The following NDUFA9 variants were observed in gnomAD, a reference collection of about 807,000 sequenced individuals.
NDUFA9 encodes the protein NADH dehydrogenase [ubiquinone] 1 alpha subcomplex subunit 9, mitochondrial.
Under a neutral mutation model 45.9 loss-of-function variants are expected in NDUFA9, and 23 were observed. The observed-to-expected ratio is 0.50, with a 90% CI of 0.36 to 0.71. NDUFA9 has a LOEUF of 0.71. NDUFA9 is among the 30% of genes least tolerant of loss of function. The pLI is 0.00. For synonymous variants in NDUFA9, 176 were observed against 170.5 expected (o/e 1.03, Z -0.25); for missense variants, 466 against 488.2 (o/e 0.95, Z 0.43).
intron 8 of NDUFA9, among the ~76,000 whole-genome samples, chr12:4,674,523 A>G (rs1001865987): frequency 6.6e-6 from 1 of 152,218 alleles, no homozygotes; most frequent in African/African-American, 2.4e-5. Flanking sequence ...AGGAGTTGCA[A>G]TCCTACTCTG....
intron 10 of NDUFA9, among the ~76,000 whole-genome samples, chr12:4,686,067 C>G (rs979726456): frequency 1.8e-4 from 27 of 152,232 alleles, no homozygotes; most frequent in African/African-American, 6.5e-4. Context: ...TATGAAAGAT[C>G]AGGCAGGATC....
Position 4,669,796 on chromosome 12 carries a change from G to C in NDUFA9, c.779G>C (p.Gly260Ala), listed in dbSNP as rs1237483963. Residue 260 changes from glycine (G) to alanine (A), a missense_variant, in exon 8 of 11, where the codon GGG (glycine) becomes GCG (alanine). Coordinates refer to ENST00000266544, the MANE Select transcript of NDUFA9 (RefSeq NM_005002.5). ...VNAVKDPDANGKSFAFVGPSR... is the reference protein window; with the variant it reads ...VNAVKDPDANAKSFAFVGPSR... ...GCAGTTAAGGATCCTGATGCCAATG[G>C]GAAATCCTTTGCTTTCGTTGGGTAA... 1 of 1,612,508 alleles carries C rather than the reference G, an allele frequency of 6.2e-7. No individual in the cohort carries two copies. The highest frequency in any genetic ancestry group is 2.2e-5 in the East Asian group (1 of 44,834).
chr12:4,676,327 A>G (rs139798190), intron 8 of NDUFA9, among the ~76,000 whole-genome samples: 17,644 of 152,252 alleles, frequency 0.12, 1,065 homozygotes, highest in African/African-American at 0.13. Context: ...AGGGTATTCA[A>G]TTAGGAAAAG....
chr12:4,653,594 TTAAACTTTC>T (rs1179132889), intron 1 of NDUFA9: 4 of 449,686 alleles, frequency 8.9e-6, no homozygotes, highest in Non-Finnish European at 1.3e-5. Context: ...TCTCTTGCTG[TTAAACTTTC>T]TAAAAGTCAG....
chr12:4,649,193 CG>C lies in NDUFA9; in HGVS notation c.49+20del. The stretch of plus-strand genomic sequence containing the variant: ...AATGTCACGTAAGTGTTACCGGGAA[CG>C]GCGGCCCCTGGTCGGGATTCCGAGA... On this transcript the variant is annotated intron_variant, in intron 1 of 10. Coordinates refer to ENST00000266544, the MANE Select transcript of NDUFA9 (RefSeq NM_005002.5). 6.3e-7 allele frequency: 1 copy of C among 1,598,674 alleles called. No homozygotes were observed. The highest frequency in any genetic ancestry group is 8.5e-7 in the Non-Finnish European group (1 of 1,172,612).
chr12:4,680,086 G>GT (rs1199773883), intron 8 of NDUFA9, among the ~76,000 whole-genome samples: 1 of 152,156 alleles, frequency 6.6e-6, no homozygotes, highest in African/African-American at 2.4e-5. Flanking sequence ...GGAATGTGAG[G>GT]TTAGCTAAAA....
Position 4,677,319 on chromosome 12 carries a change from A to G in NDUFA9, c.801-4886A>G, listed in dbSNP as rs559920060. Among the ~76,000 whole-genome samples the G allele has an allele frequency of 1.5e-4, 23 of 152,388 alleles. No individual in the cohort carries two copies. The East Asian group carries it at 3.3e-3, about 22-fold the overall frequency. On this transcript the variant is annotated intron_variant, in intron 8 of 10. Coordinates refer to ENST00000266544, the MANE Select transcript of NDUFA9 (RefSeq NM_005002.5). The stretch of plus-strand genomic sequence containing the variant: ...GACAAATGGGATCTAATTAATCTAA[A>G]GAGCTTCTGCACAGCAAAAGAAACT...
intron 2 of NDUFA9, 78 bp downstream of exon 2, chr12:4,654,540 C>G: frequency 6.7e-7 from 1 of 1,491,756 alleles, no homozygotes; most frequent in Non-Finnish European, 9.2e-7. Flanking sequence ...AGCTATGTTT[C>G]TCTTCATTTT....
chr12:4,689,967 G>A lies in NDUFA9; in HGVS notation c.*2859G>A. The A allele has an allele frequency of 6.5e-6, 1 of 153,284 alleles. No homozygotes were observed. Among genetic ancestry groups the A allele is most frequent in the South Asian group, 2.0e-4 (1 of 4,894 alleles). The allele number at this position is 153,284 out of a possible 1,614,324, so 9.5% of individuals were successfully genotyped here. ...CACTGAAGCCGTAGCATTGACTAAG[G>A]AAACAATTTTACCATCCTAAGCTAG... On this transcript the variant is annotated 3_prime_UTR_variant, in exon 11 of 11. Transcript: ENST00000266544.
At chr12:4,675,567 G>A (rs1020985316) in intron 8 of NDUFA9, among the ~76,000 whole-genome samples, 3 of 152,094 alleles carry the variant, frequency 2.0e-5, no homozygotes, top group African/African-American at 4.8e-5. Flanking sequence ...TAGAAGAAAT[G>A]GATAGGTTCC....
chr12:4,686,813 C>G lies in NDUFA9; in HGVS notation c.964-125C>G, dbSNP rs923997383. 3.1e-5 allele frequency: 28 copies of G among 904,970 alleles called. No homozygotes were observed. In the African/African-American group the frequency reaches 4.4e-4, roughly 14 times the overall value. 56.1% of individuals were successfully genotyped at this position (904,970 alleles called of 1,614,324 possible). ...CATGAATCGAAAATTGCCACATATT[C>G]TTTGAAAGCAATTAAGTCTCAATAA... is the stretch of plus-strand genomic sequence containing the variant. On this transcript the variant is annotated intron_variant, in intron 10 of 10. Transcript: ENST00000266544.
Position 4,662,631 on chromosome 12 carries a change from T to C in NDUFA9, c.651T>C (p.Phe217=). The stretch of plus-strand genomic sequence containing the variant: ...GAGAGGATAGATTCCTTAATTCTTT[T>C]GCAAGTACGTATTCTTTCTTAATGG... ...FGREDRFLNS[F]ASMHRFGPIP... The change falls in exon 6 of 11, where the codon TTT becomes TTC. Residue 217 remains phenylalanine, a synonymous_variant. Transcript: ENST00000266544. 1 of 1,611,480 alleles carries C rather than the reference T, an allele frequency of 6.2e-7. No individual in the cohort carries two copies. The highest frequency in any genetic ancestry group is 1.3e-5 in the African/African-American group (1 of 75,006).
intron 8 of NDUFA9, among the ~76,000 whole-genome samples, chr12:4,671,738 T>C (rs1018762504): frequency 6.6e-6 from 1 of 152,144 alleles, no homozygotes; most frequent in African/African-American, 2.4e-5. Flanking sequence ...TAACCAGAAT[T>C]GATAGTTCAG....
intron 5 of NDUFA9, among the ~76,000 whole-genome samples, chr12:4,660,696 A>C (rs531619994): frequency 1.3e-5 from 2 of 152,176 alleles, no homozygotes; most frequent in Non-Finnish European, 2.9e-5. Flanking sequence ...GTACAGTGCT[A>C]GGGAAGCCAT....
At chr12:4,677,062 G>A (rs112466524) in intron 8 of NDUFA9, among the ~76,000 whole-genome samples, 29,503 of 151,978 alleles carry the variant, frequency 0.19, 3,320 homozygotes, top group South Asian at 0.46. Context: ...ATGATTCTCC[G>A]TTTAATAAAT....
chr12:4,686,241 G>A (rs1336759273), intron 10 of NDUFA9, among the ~76,000 whole-genome samples: 1 of 152,194 alleles, frequency 6.6e-6, no homozygotes, highest in Non-Finnish European at 1.5e-5. Flanking sequence ...GGTAGGATGA[G>A]GGATTGCTGC....
At position 4,668,454 on chromosome 12, in the gene NDUFA9, T is replaced by G; in HGVS notation, c.656-3T>G. ...GTATAGTTCTCATTCTTTCTTCCGC[T>G]AGGTATGCATCGGTTTGGTCCTATA... On this transcript the variant is annotated splice_polypyrimidine_tract_variant and splice_region_variant and intron_variant, in intron 6 of 10. Coordinates refer to ENST00000266544, the MANE Select transcript of NDUFA9 (RefSeq NM_005002.5). 1 of 1,612,522 alleles carries G rather than the reference T, an allele frequency of 6.2e-7. No individual in the cohort carries two copies. Among genetic ancestry groups the G allele is most frequent in the South Asian group, 1.1e-5 (1 of 91,048 alleles).
At chr12:4,685,488 C>T (rs1326345506) in intron 10 of NDUFA9, among the ~76,000 whole-genome samples, 163 bp downstream of exon 10, 2 of 152,168 alleles carry the variant, frequency 1.3e-5, no homozygotes, top group African/African-American at 4.8e-5. Flanking sequence ...TGCCCTGCTC[C>T]AGGGGGCGGC....
At chr12:4,676,885 A>G (rs1365615213) in intron 8 of NDUFA9, among the ~76,000 whole-genome samples, 3 of 152,230 alleles carry the variant, frequency 2.0e-5, no homozygotes, top group African/African-American at 7.2e-5. Flanking sequence ...GCATCATGCT[A>G]CCTGACTTCA....
Sources: gnomAD v4.1 joint callset for allele counts (sites outside exome capture counted in the v4.1 genomes callset) on GRCh38, gnomAD v4.1.1 for gene constraint, MANE v1.5 for transcripts, NCBI Gene and HGNC (gene_info 2026-07-23, HGNC 2026-07-21) for gene names.